DIAPH2: variants seen among roughly 807,000 people sequenced by gnomAD.
The protein encoded by DIAPH2 is diaphanous related formin 2, also known as protein diaphanous homolog 2.
In DIAPH2, 35 loss-of-function variants were observed where a neutral mutation model predicts 92.7. The observed-to-expected ratio is 0.38, with a 90% confidence interval of 0.29 to 0.50. DIAPH2 has a LOEUF of 0.50. DIAPH2 is among the 20% of genes least tolerant of loss of function. The pLI is 0.94. For missense variants in DIAPH2, 701 were observed against 819.5 expected (o/e 0.86, Z 1.77); for synonymous variants, 301 against 280.4 (o/e 1.07, Z -0.73).
chrX:97,335,712 G>C (rs1211774439), intron 23 of DIAPH2, among the ~76,000 whole-genome samples: 1 of 111,775 alleles, frequency 8.9e-6, no homozygotes, highest in African/African-American at 3.2e-5. Flanking sequence ...GTAGGAACTA[G>C]CAAATAGACT....
At chrX:96,976,068 C>G (rs1482049937) in intron 17 of DIAPH2, among the ~76,000 whole-genome samples, 1 of 99,897 alleles carries the variant, frequency 1.0e-5, no homozygotes, top group African/African-American at 3.7e-5. Context: ...CTGGAGTGCA[C>G]TGGCATGATT....
In DIAPH2 at chrX:97,586,468, G is replaced by A. The variant is rs977771586; in HGVS notation, c.3242-12785G>A. Among the ~76,000 whole-genome samples, 3 of 110,075 alleles carry A rather than the reference G, an allele frequency of 2.7e-5. No individual in the cohort carries two copies. In the East Asian group the frequency reaches 8.4e-4, roughly 31 times the overall value. On this transcript the variant is annotated intron_variant, in intron 26 of 26. Coordinates refer to ENST00000324765, the MANE Select transcript of DIAPH2 (RefSeq NM_006729.5). ...TACTGCATGATCACCAAACTGAACT[G>A]TCTTACCACTTCACTCCCTATTGCA...
chrX:97,141,342 G>A (rs1167764870), intron 21 of DIAPH2, among the ~76,000 whole-genome samples: 1 of 111,132 alleles, frequency 9.0e-6, no homozygotes, highest in Non-Finnish European at 1.9e-5. Context: ...GATAAAATAA[G>A]CACACAGTAA....
chrX:97,293,462 A>C (rs1434665682), intron 23 of DIAPH2, among the ~76,000 whole-genome samples: 2 of 109,987 alleles, frequency 1.8e-5, no homozygotes. Flanking sequence ...CATGTTGGCC[A>C]GGATGGTCTC....
chrX:97,117,415 C>T (rs1484107574), intron 21 of DIAPH2, among the ~76,000 whole-genome samples: 3 of 111,523 alleles, frequency 2.7e-5, no homozygotes, highest in Non-Finnish European at 5.7e-5. Flanking sequence ...AAGATTACTT[C>T]ATTGATTTTT....
At chrX:96,811,093 A>G (rs966710489) in intron 4 of DIAPH2, among the ~76,000 whole-genome samples, 13 of 111,854 alleles carry the variant, frequency 1.2e-4, no homozygotes, top group South Asian at 7.6e-4. Context: ...CTTTGAATCT[A>G]TAAATTACCT....
intron 23 of DIAPH2, among the ~76,000 whole-genome samples, chrX:97,285,917 T>C (rs2068538019): frequency 9.1e-6 from 1 of 109,867 alleles, no homozygotes; most frequent in Admixed American, 9.9e-5. Context: ...TCTTTAATAT[T>C]TATTTTGTGG....
chrX:97,073,069 G>A, intron 18 of DIAPH2, 27 bp downstream of exon 18: 1 of 1,043,863 alleles, frequency 9.6e-7, no homozygotes. Flanking sequence ...TCGTAGGATT[G>A]GTATAGGTAA....
Position 96,848,745 on chromosome X carries a change from A to G in DIAPH2, c.448-32834A>G, listed in dbSNP as rs141339875. 4.2e-4 allele frequency among the ~76,000 whole-genome samples: 47 copies of G among 112,407 alleles called. No homozygotes were observed. In the East Asian group the frequency reaches 0.013, roughly 32 times the overall value. On this transcript the variant is annotated intron_variant, in intron 4 of 26. Transcript: ENST00000324765. ...ACATTAAGCTATTAAAGTAATTTTC[A>G]TGTCTGCATTACTGATGTTTTTTTT...
chrX:97,167,657 A>G (rs773311770), intron 22 of DIAPH2, among the ~76,000 whole-genome samples: 2 of 111,980 alleles, frequency 1.8e-5, no homozygotes, highest in Admixed American at 1.9e-4. Flanking sequence ...TTACTAGATA[A>G]CATCAAATAT....
At position 96,758,210 on chromosome X, in the gene DIAPH2, C is replaced by T. The variant is rs138883597; in HGVS notation, c.399C>T (p.Thr133=). The change falls in exon 4 of 27, where the codon ACC becomes ACT. Residue 133 remains threonine, a synonymous_variant. Transcript: ENST00000324765. ...KKAPLRNKDF[T]TKREMVVQYI... is the part of the protein sequence containing the mutation. ...CTCCTTTACGAAACAAAGACTTTAC[C>T]ACCAAACGTGAGATGGTTGTCCAGT... is the stretch of plus-strand genomic sequence containing the variant. 2.9e-5 allele frequency: 35 copies of T among 1,203,448 alleles called. No homozygotes were observed. Among genetic ancestry groups the T allele is most frequent in the Non-Finnish European group, 3.1e-5 (28 of 892,687 alleles).
chrX:96,903,312 G>C (rs890490029), intron 5 of DIAPH2, among the ~76,000 whole-genome samples: 4 of 111,527 alleles, frequency 3.6e-5, no homozygotes. Flanking sequence ...TATGAGCTCT[G>C]TTTCATTTGC....
chrX:96,727,044 T>C (rs993652217), intron 1 of DIAPH2, among the ~76,000 whole-genome samples: 4 of 112,273 alleles, frequency 3.6e-5, no homozygotes, highest in Admixed American at 2.8e-4. Flanking sequence ...TCTTATCATT[T>C]GGCCACAAGC....
intron 26 of DIAPH2, among the ~76,000 whole-genome samples, chrX:97,569,381 C>A (rs1001610341): frequency 8.9e-6 from 1 of 111,893 alleles, no homozygotes; most frequent in African/African-American, 3.2e-5. Flanking sequence ...TGGTATCAAA[C>A]ATCGAACATA....
intron 15 of DIAPH2, among the ~76,000 whole-genome samples, chrX:96,950,857 C>T (rs771646228): frequency 8.1e-5 from 9 of 111,528 alleles, no homozygotes; most frequent in Non-Finnish European, 1.1e-4. Context: ...CCCCTAACTA[C>T]AGCCTCTGTT....
intron 4 of DIAPH2, among the ~76,000 whole-genome samples, chrX:96,776,655 T>G (rs1035049716): frequency 3.6e-5 from 4 of 109,847 alleles, no homozygotes; most frequent in African/African-American, 1.3e-4. Flanking sequence ...AACTCAGAAA[T>G]GGTAAAGTAG....
At chrX:97,363,502 CA>C (rs200331673) in intron 24 of DIAPH2, among the ~76,000 whole-genome samples, 4,972 of 86,986 alleles carry the variant, frequency 0.057, 156 homozygotes, top group African/African-American at 0.12. Context: ...ACTAAAAATA[CA>C]AAAAAAAAAA....
intron 22 of DIAPH2, among the ~76,000 whole-genome samples, chrX:97,213,651 A>G (rs2067858967): frequency 8.9e-6 from 1 of 112,308 alleles, no homozygotes; most frequent in Non-Finnish European, 1.9e-5. Context: ...AAAGGGCTGA[A>G]TGTACTTAAG....
chrX:97,318,337 C>T (rs966642453), intron 23 of DIAPH2, among the ~76,000 whole-genome samples: 7 of 109,388 alleles, frequency 6.4e-5, no homozygotes, highest in Admixed American at 4.0e-4. Flanking sequence ...CGGAGTTTCA[C>T]TATCTTGGCC....
Sources: allele counts gnomAD v4.1 joint callset (sites outside exome capture counted in the v4.1 genomes callset), GRCh38; gene constraint gnomAD v4.1.1; transcripts MANE v1.5; gene names NCBI Gene and HGNC (gene_info 2026-07-23, HGNC 2026-07-21).